The following CAMK4 variants were observed in gnomAD, a reference collection of about 807,000 sequenced individuals.
CAMK4 encodes calcium/calmodulin dependent protein kinase IV, also known as calcium/calmodulin-dependent protein kinase type IV.
Under a neutral mutation model 44.9 loss-of-function variants are expected in CAMK4, and 22 were observed. That is an observed-to-expected ratio of 0.49 (90% CI 0.35 to 0.70). The LOEUF is 0.70. Ranked by LOEUF, CAMK4 falls within the 30% of genes least tolerant of loss-of-function variation. The pLI is 0.01. For missense variants in CAMK4, 498 were observed against 586.8 expected, an observed-to-expected ratio of 0.85 and a Z score of 1.56; for synonymous variants, 218 against 215.4, an observed-to-expected ratio of 1.01 and a Z score of -0.11.
At chr5:111,346,743 C>T (rs910584085) in intron 2 of CAMK4, among the ~76,000 whole-genome samples, 10 of 151,856 alleles carry the variant, frequency 6.6e-5, no homozygotes, top group Non-Finnish European at 1.5e-4. Context: ...CTGTGGCATT[C>T]CTTGACTTGT....
chr5:111,369,224 C>T (rs546692719), intron 2 of CAMK4, among the ~76,000 whole-genome samples: 56 of 151,748 alleles, frequency 3.7e-4, no homozygotes, highest in Non-Finnish European at 6.8e-4. Flanking sequence ...TGTTGCCATG[C>T]CCCGCTAATT....
intron 1 of CAMK4, among the ~76,000 whole-genome samples, chr5:111,274,476 T>C (rs55860391): frequency 0.011 from 1,724 of 152,314 alleles, 22 homozygotes; most frequent in African/African-American, 0.031. Context: ...TATGAAACTT[T>C]AGTTTGTTAA....
intron 1 of CAMK4, among the ~76,000 whole-genome samples, chr5:111,234,651 A>G (rs563717360): frequency 1.0e-3 from 152 of 152,296 alleles, no homozygotes; most frequent in Non-Finnish European, 1.8e-3. Context: ...CAGGATGCTG[A>G]GCTTAACCCT....
In CAMK4 at chr5:111,257,413, C is replaced by A. The variant is rs544589523; in HGVS notation, c.161+32769C>A. ...TTTTAAAAAGCTCAATATCACTGAT[C>A]ATTAGATAAATGCAGTTCAAGACCA... On this transcript the variant is annotated intron_variant, in intron 1 of 10. Coordinates refer to ENST00000282356, the MANE Select transcript of CAMK4 (RefSeq NM_001744.6). 3.9e-5 allele frequency among the ~76,000 whole-genome samples: 6 copies of A among 152,296 alleles called. 1 individual carries two copies. The highest frequency in any genetic ancestry group is 1.4e-4 in the African/African-American group (6 of 41,550).
At chr5:111,285,643 C>A (rs575433947) in intron 1 of CAMK4, among the ~76,000 whole-genome samples, 52 of 152,162 alleles carry the variant, frequency 3.4e-4, no homozygotes, top group Non-Finnish European at 6.8e-4. Context: ...TTGTTTATGA[C>A]TGCAGTTGTA....
rs190329081 is a variant in CAMK4 at position 111,401,287 on chromosome 5, C to T, written c.459+6505C>T. ...CCAAGTAGCCGGGATTACAGGCATG[C>T]GACACCATGCCTGGCTAATTTTTGT... On this transcript the variant is annotated intron_variant, in intron 5 of 10. Transcript: ENST00000282356. 8.3e-3 allele frequency among the ~76,000 whole-genome samples: 1,256 copies of T among 152,192 alleles called. 17 individuals are homozygous for T. Among genetic ancestry groups the T allele is most frequent in the African/African-American group, 0.028 (1,162 of 41,522 alleles).
At chr5:111,273,729 A>G (rs1750636168) in intron 1 of CAMK4, among the ~76,000 whole-genome samples, 1 of 124,902 alleles carries the variant, frequency 8.0e-6, no homozygotes, top group Admixed American at 7.7e-5. Flanking sequence ...ACACACACAT[A>G]CATACACACA....
At chr5:111,255,754 A>G (rs1416563124) in intron 1 of CAMK4, among the ~76,000 whole-genome samples, 4 of 152,152 alleles carry the variant, frequency 2.6e-5, no homozygotes, top group African/African-American at 4.8e-5. Flanking sequence ...GATTCATTGT[A>G]TCATCATTTT....
At chr5:111,232,840 A>G (rs1449293991) in intron 1 of CAMK4, among the ~76,000 whole-genome samples, 1 of 151,938 alleles carries the variant, frequency 6.6e-6, no homozygotes, top group African/African-American at 2.4e-5. Flanking sequence ...TTGGACTTAG[A>G]TTGGTTACCT....
At chr5:111,393,227 G>A (rs1366080069) in intron 4 of CAMK4, among the ~76,000 whole-genome samples, 1 of 152,098 alleles carries the variant, frequency 6.6e-6, no homozygotes, top group African/African-American at 2.4e-5. Flanking sequence ...AACATGAAAT[G>A]GAGCATAATT....
intron 7 of CAMK4, among the ~76,000 whole-genome samples, chr5:111,465,955 A>G (rs1165895310): frequency 6.6e-6 from 1 of 152,250 alleles, no homozygotes; most frequent in Non-Finnish European, 1.5e-5. Context: ...CCTTAACAAA[A>G]TACCAGCTAA....
chr5:111,326,608 T>G lies in CAMK4; in HGVS notation c.162-17416T>G, dbSNP rs185515363. ...TTTTTTTTAAATAGAAGGAAATTTT[T>G]TATTAACTTCGGTAACAGGCAAACT... On this transcript the variant is annotated intron_variant, in intron 1 of 10. Transcript: ENST00000282356. 1.4e-3 allele frequency among the ~76,000 whole-genome samples: 216 copies of G among 151,674 alleles called. 1 individual carries two copies. Among genetic ancestry groups the G allele is most frequent in the African/African-American group, 4.7e-3 (193 of 41,464 alleles).
intron 1 of CAMK4, among the ~76,000 whole-genome samples, chr5:111,242,149 T>C (rs1749023549): frequency 6.6e-6 from 1 of 152,112 alleles, no homozygotes; most frequent in Non-Finnish European, 1.5e-5. Flanking sequence ...TCAGTACATG[T>C]TACCCCCATT....
chr5:111,476,898 A>T (rs39908), intron 8 of CAMK4, among the ~76,000 whole-genome samples: 94,738 of 152,086 alleles, frequency 0.62, 29,730 homozygotes, highest in African/African-American at 0.66. Context: ...ACTGATAGGA[A>T]TGAAATGAGA....
At chr5:111,325,973 A>C (rs1038325689) in intron 1 of CAMK4, among the ~76,000 whole-genome samples, 3 of 152,112 alleles carry the variant, frequency 2.0e-5, no homozygotes, top group African/African-American at 4.8e-5. Flanking sequence ...TAGTGTTTAA[A>C]GGAAAATTTT....
At position 111,436,859 on chromosome 5, in the gene CAMK4, A is replaced by G. The variant is rs568453571; in HGVS notation, c.460-9827A>G. On this transcript the variant is annotated intron_variant, in intron 5 of 10. Transcript: ENST00000282356. ...CTGAATTTTCAACAGTCTTTCCCCA[A>G]ACTCCCCTGAGGCAACGCTGTATTG... Among the ~76,000 whole-genome samples, 5 of 152,312 alleles carry G rather than the reference A, an allele frequency of 3.3e-5. No homozygotes were observed. The South Asian group carries it at 1.0e-3, about 32-fold the overall frequency.
At chr5:111,396,082 G>T (rs1386121907) in intron 5 of CAMK4, among the ~76,000 whole-genome samples, 7 of 151,942 alleles carry the variant, frequency 4.6e-5, no homozygotes. Flanking sequence ...AGAGGAGGGA[G>T]GACTCTGATA....
chr5:111,320,000 A>G (rs187866462), intron 1 of CAMK4, among the ~76,000 whole-genome samples: 3 of 152,282 alleles, frequency 2.0e-5, no homozygotes, highest in African/African-American at 4.8e-5. Flanking sequence ...TTAACTTCCA[A>G]TGAGTCTAGG....
chr5:111,334,740 G>C (rs1482458477), intron 1 of CAMK4, among the ~76,000 whole-genome samples: 1 of 151,332 alleles, frequency 6.6e-6, no homozygotes, highest in Non-Finnish European at 1.5e-5. Context: ...TTTCCCTAAT[G>C]AGCATTAAGA....
Sources: gnomAD v4.1 joint callset for allele counts (sites outside exome capture counted in the v4.1 genomes callset) on GRCh38, gnomAD v4.1.1 for gene constraint, MANE v1.5 for transcripts, NCBI Gene and HGNC (gene_info 2026-07-23, HGNC 2026-07-21) for gene names.